The following DOCK7 variants were observed in gnomAD, a reference collection of about 807,000 sequenced individuals.
DOCK7 encodes the protein dedicator of cytokinesis protein 7.
DOCK7 carries 138 observed loss-of-function variants against 271.0 expected under a neutral mutation model. The observed-to-expected ratio is 0.51, with a 90% confidence interval of 0.44 to 0.59. The LOEUF (loss-of-function observed/expected upper bound fraction) is 0.59. Ranked by LOEUF, DOCK7 falls within the 20% of genes least tolerant of loss-of-function variation. DOCK7 has a pLI of 0.00. For synonymous variants in DOCK7, 823 were observed against 876.1 expected, an observed-to-expected ratio of 0.94 and a Z score of 1.07; for missense variants, 2,066 against 2,592.4, an observed-to-expected ratio of 0.80 and a Z score of 4.41.
At chr1:62,679,659 T>C (rs1267480790) in intron 1 of DOCK7, among the ~76,000 whole-genome samples, 1 of 152,184 alleles carries the variant, frequency 6.6e-6, no homozygotes, top group African/African-American at 2.4e-5. Context: ...AGCAATGGCA[T>C]TGATGTAAAG....
intron 14 of DOCK7, chr1:62,597,982 A>C (rs1296392792): frequency 6.4e-7 from 1 of 1,561,708 alleles, no homozygotes; most frequent in South Asian, 1.2e-5. Context: ...CAAAAAGTGA[A>C]ATATTTAGAA....
At chr1:62,522,075 A>G (rs1250666635) in intron 31 of DOCK7, among the ~76,000 whole-genome samples, 1 of 152,132 alleles carries the variant, frequency 6.6e-6, no homozygotes, top group Non-Finnish European at 1.5e-5. Context: ...TATAACAGTA[A>G]TTTTAAAACT....
chr1:62,631,405 T>G lies in DOCK7; in HGVS notation c.1117A>C (p.Asn373His). 1.3e-6 allele frequency: 2 copies of G among 1,595,252 alleles called. No individual in the cohort carries two copies. Among genetic ancestry groups the G allele is most frequent in the Non-Finnish European group, 1.7e-6 (2 of 1,173,976 alleles). Residue 373 changes from asparagine to histidine, a missense_variant and splice_region_variant, in exon 11 of 50, where the codon AAT becomes CAT. Transcript: ENST00000635253. ...TTCAGTTTCTCCAGTTTTTCTTTATTCTGCAAAACAGAACTTTATACATTA... is the reference window on the plus strand; with the variant it reads ...TTCAGTTTCTCCAGTTTTTCTTTATGCTGCAAAACAGAACTTTATACATTA... ...MIFKEADATKNKEKLEKLKSQ... is the reference protein window; with the variant it reads ...MIFKEADATKHKEKLEKLKSQ...
chr1:62,612,416 T>C (rs1397553071), intron 14 of DOCK7, among the ~76,000 whole-genome samples: 10 of 152,100 alleles, frequency 6.6e-5, no homozygotes, highest in South Asian at 2.1e-4. Context: ...TTAGGACAAA[T>C]AGCTAATACA....
chr1:62,635,501 C>T (rs1305189674), intron 8 of DOCK7: 2 of 150,036 alleles, frequency 1.3e-5, no homozygotes, highest in Non-Finnish European at 2.9e-5. Flanking sequence ...CGCGCCACTA[C>T]ACTCCAGCCT....
intron 14 of DOCK7, among the ~76,000 whole-genome samples, chr1:62,589,468 T>C (rs1048304852): frequency 2.4e-4 from 37 of 152,272 alleles, no homozygotes; most frequent in Admixed American, 1.9e-3. Flanking sequence ...TTCCAGACTC[T>C]TATTTTTTTT....
intron 14 of DOCK7, chr1:62,603,881 A>T: frequency 2.4e-6 from 3 of 1,239,854 alleles, no homozygotes; most frequent in Non-Finnish European, 3.5e-6. Context: ...CAACTCAATT[A>T]GTTGCACCAA....
At chr1:62,641,734 C>T (rs1656051855) in intron 7 of DOCK7, 1 of 314,258 alleles carries the variant, frequency 3.2e-6, no homozygotes, top group African/African-American at 2.2e-5. Context: ...TTGGCAGCCA[C>T]CTGGGAAAGG....
At chr1:62,611,419 C>T (rs1354962078) in intron 14 of DOCK7, among the ~76,000 whole-genome samples, 1 of 152,012 alleles carries the variant, frequency 6.6e-6, no homozygotes, top group African/African-American at 2.4e-5. Context: ...TCTGAAAATC[C>T]AAAATGCTTC....
At chr1:62,551,560 A>C (rs1571507201) in intron 22 of DOCK7, among the ~76,000 whole-genome samples, 3 of 152,236 alleles carry the variant, frequency 2.0e-5, no homozygotes, top group Non-Finnish European at 4.4e-5. Flanking sequence ...GGTCAATAAA[A>C]TAAGAAAAAA....
At chr1:62,551,844 C>T (rs1645916915) in intron 22 of DOCK7, among the ~76,000 whole-genome samples, 1 of 150,962 alleles carries the variant, frequency 6.6e-6, no homozygotes, top group Admixed American at 6.6e-5. Flanking sequence ...ATTTAAAGTA[C>T]ATCTTGAAAA....
At chr1:62,632,131 A>G (rs1264787237) in intron 10 of DOCK7, among the ~76,000 whole-genome samples, 1 of 152,190 alleles carries the variant, frequency 6.6e-6, no homozygotes, top group South Asian at 2.1e-4. Flanking sequence ...GGGATGTTGA[A>G]GTATACACTA....
intron 29 of DOCK7, among the ~76,000 whole-genome samples, chr1:62,532,250 G>T (rs1571427085): frequency 6.6e-6 from 1 of 152,176 alleles, no homozygotes; most frequent in East Asian, 1.9e-4. Context: ...GGCCAGGCTG[G>T]TCTCAAACTC....
intron 1 of DOCK7, among the ~76,000 whole-genome samples, chr1:62,685,589 T>C (rs1055921237): frequency 6.6e-6 from 1 of 151,566 alleles, no homozygotes; most frequent in African/African-American, 2.4e-5. Flanking sequence ...CAAATCTAGA[T>C]CTCCAGCCCA....
chr1:62,631,961 G>A (rs1654686498), intron 10 of DOCK7, among the ~76,000 whole-genome samples: 1 of 152,066 alleles, frequency 6.6e-6, no homozygotes, highest in South Asian at 2.1e-4. Context: ...AAAGACTAAC[G>A]GTCCAAATAT....
rs2149333373 is a variant in DOCK7 at position 62,510,621 on chromosome 1, C to T, written c.4335G>A (p.Arg1445=). Residue 1445 remains arginine, a synonymous_variant, in exon 34 of 50, where the codon AGG becomes AGA. Transcript: ENST00000635253. ...AFGSQENLRW[R]KDMTHWRQNT... is the part of the protein sequence containing the mutation. ...TTTGACGCCAGTGAGTCATATCTTTCCTCCACCTCAAATTTTCTTGACTTC... is the reference window on the plus strand; with the variant it reads ...TTTGACGCCAGTGAGTCATATCTTTTCTCCACCTCAAATTTTCTTGACTTC... The T allele has an allele frequency of 6.2e-7, 1 of 1,613,348 alleles. No individual in the cohort carries two copies. Among genetic ancestry groups the T allele is most frequent in the Non-Finnish European group, 8.5e-7 (1 of 1,179,592 alleles).
rs150756065 is a variant in DOCK7 at position 62,603,699 on chromosome 1, C to T, written c.1682+15007G>A. Among the ~76,000 whole-genome samples, 576 of 151,852 alleles carry T rather than the reference C, an allele frequency of 3.8e-3. 6 individuals are homozygous for T. The highest frequency in any genetic ancestry group is 0.013 in the African/African-American group (523 of 41,500). ...CTTTAAAATATCTATAATAATGTAA[C>T]ACATTTCACTGGTGAAACATGTCTT... On this transcript the variant is annotated intron_variant, in intron 14 of 49. Coordinates refer to ENST00000635253, the MANE Select transcript of DOCK7 (RefSeq NM_001367561.1).
chr1:62,649,105 C>T lies in DOCK7; in HGVS notation c.390-561G>A, dbSNP rs182027470. Among the ~76,000 whole-genome samples, 90 of 152,132 alleles carry T rather than the reference C, an allele frequency of 5.9e-4. 1 individual carries two copies. In the East Asian group the frequency reaches 0.017, roughly 29 times the overall value. ...TAACATTACATATATACACAGTTAG[C>T]TAAAAACAACTCTTAAATTAATGCA... On this transcript the variant is annotated intron_variant, in intron 4 of 49. Coordinates refer to ENST00000635253, the MANE Select transcript of DOCK7 (RefSeq NM_001367561.1).
At chr1:62,477,914 A>AT (rs2149263114) in intron 43 of DOCK7, 89 bp from the exon 44 acceptor site, 1 of 1,399,990 alleles carries the variant, frequency 7.1e-7, no homozygotes, top group South Asian at 1.8e-5. Flanking sequence ...ACAGCATAAA[A>AT]TTTCCAAAAC....
Sources: gnomAD v4.1 joint callset for allele counts (sites outside exome capture counted in the v4.1 genomes callset) on GRCh38, gnomAD v4.1.1 for gene constraint, MANE v1.5 for transcripts, NCBI Gene and HGNC (gene_info 2026-07-23, HGNC 2026-07-21) for gene names.